EPHB1: variants seen among roughly 807,000 people sequenced by gnomAD.
EPHB1 encodes EPH receptor B1, also known as ephrin type-B receptor 1.
Under a neutral mutation model 94.4 loss-of-function variants are expected in EPHB1, and 30 were observed. The observed-to-expected ratio is 0.32, with a 90% CI of 0.24 to 0.43. The LOEUF is 0.43. EPHB1 is among the 20% of genes least tolerant of loss of function. The probability of loss-of-function intolerance (pLI) is 1.00; values close to 1 mark genes in which losing one functional copy is unlikely to be tolerated. For synonymous variants in EPHB1, 522 were observed against 489.1 expected (o/e 1.07, Z -0.89); for missense variants, 1,055 against 1,308.3 (o/e 0.81, Z 2.99).
chr3:135,059,399 A>G lies in EPHB1; in HGVS notation c.806-47049A>G, dbSNP rs925681250. 2.6e-5 allele frequency among the ~76,000 whole-genome samples: 4 copies of G among 152,206 alleles called. No individual in the cohort carries two copies. In the South Asian group the frequency reaches 8.3e-4, roughly 32 times the overall value. On this transcript the variant is annotated intron_variant, in intron 3 of 15. Coordinates refer to ENST00000398015, the MANE Select transcript of EPHB1 (RefSeq NM_004441.5). ...TTGGTCCCTGGCGGCTCACCCCATT[A>G]CAGGAAGGTCTTCCAATTTGCCATT...
At chr3:134,798,839 G>C (rs2035881505) in intron 1 of EPHB1, among the ~76,000 whole-genome samples, 1 of 152,168 alleles carries the variant, frequency 6.6e-6, no homozygotes, top group South Asian at 2.1e-4. Context: ...CTCCTGGGAG[G>C]CAGCAACCTG....
At chr3:135,233,606 C>T (rs1943583952) in intron 12 of EPHB1, among the ~76,000 whole-genome samples, 2 of 152,224 alleles carry the variant, frequency 1.3e-5, no homozygotes. Context: ...CTCACAGCTC[C>T]ACCAGGCAAT....
chr3:135,011,216 G>A (rs1935610715), intron 3 of EPHB1, among the ~76,000 whole-genome samples: 1 of 152,236 alleles, frequency 6.6e-6, no homozygotes, highest in South Asian at 2.1e-4. Context: ...AACGTGGTCA[G>A]CTGAACATGG....
At chr3:135,074,516 T>C (rs1024321435) in intron 3 of EPHB1, among the ~76,000 whole-genome samples, 18 of 152,254 alleles carry the variant, frequency 1.2e-4, no homozygotes, top group African/African-American at 4.1e-4. Context: ...ATGAACAACA[T>C]AAGCCTTGCT....
intron 12 of EPHB1, among the ~76,000 whole-genome samples, chr3:135,207,946 C>G (rs961770380): frequency 6.6e-6 from 1 of 152,236 alleles, no homozygotes; most frequent in African/African-American, 2.4e-5. Context: ...ATGACATAAA[C>G]TAACTGCAGT....
intron 3 of EPHB1, among the ~76,000 whole-genome samples, chr3:134,979,368 T>A (rs564643476): frequency 6.6e-6 from 1 of 152,200 alleles, no homozygotes; most frequent in Non-Finnish European, 1.5e-5. Flanking sequence ...TCCAAAGGAA[T>A]CCATTGTCTT....
chr3:134,982,719 G>A (rs1934454208), intron 3 of EPHB1, among the ~76,000 whole-genome samples: 1 of 152,158 alleles, frequency 6.6e-6, no homozygotes. Flanking sequence ...GAAGAAACTG[G>A]AGGAAGGAAG....
intron 3 of EPHB1, among the ~76,000 whole-genome samples, chr3:135,061,585 T>G (rs1158482365): frequency 6.6e-6 from 1 of 151,928 alleles, no homozygotes; most frequent in African/African-American, 2.4e-5. Context: ...ATCATATATA[T>G]TTAGCACAGT....
chr3:134,880,146 A>G (rs754742938), intron 1 of EPHB1, among the ~76,000 whole-genome samples: 1 of 152,194 alleles, frequency 6.6e-6, no homozygotes, highest in Admixed American at 6.5e-5. Flanking sequence ...AACTGGCCCA[A>G]GGGCAGCTGG....
chr3:135,149,933 G>A (rs946072074), intron 5 of EPHB1, among the ~76,000 whole-genome samples: 3 of 152,200 alleles, frequency 2.0e-5, no homozygotes, highest in African/African-American at 7.2e-5. Context: ...TTCACTGTCA[G>A]TTGCCTCTGG....
At chr3:135,081,519 G>A (rs1360927510) in intron 3 of EPHB1, among the ~76,000 whole-genome samples, 1 of 152,130 alleles carries the variant, frequency 6.6e-6, no homozygotes, top group Non-Finnish European at 1.5e-5. Context: ...TAGTGCTGAG[G>A]CAAGTAGTAC....
At chr3:135,147,102 C>G (rs937710677) in intron 5 of EPHB1, among the ~76,000 whole-genome samples, 2 of 152,250 alleles carry the variant, frequency 1.3e-5, no homozygotes, top group African/African-American at 2.4e-5. Flanking sequence ...GCACACACAT[C>G]TCTCTGCAGC....
chr3:135,103,705 G>A (rs748612189), intron 3 of EPHB1, among the ~76,000 whole-genome samples: 1 of 152,162 alleles, frequency 6.6e-6, no homozygotes, highest in African/African-American at 2.4e-5. Context: ...ACTCAGGACT[G>A]TCTGACCATT....
intron 15 of EPHB1, among the ~76,000 whole-genome samples, chr3:135,255,690 T>A (rs953737334): frequency 1.3e-5 from 2 of 151,458 alleles, no homozygotes; most frequent in African/African-American, 2.4e-5. Context: ...AAAGTGTTTA[T>A]TCTGTTGACT....
chr3:134,962,732 A>G (rs1933568274), intron 3 of EPHB1, among the ~76,000 whole-genome samples: 1 of 151,802 alleles, frequency 6.6e-6, no homozygotes, highest in Non-Finnish European at 1.5e-5. Flanking sequence ...CTCTAGCCTC[A>G]GCTCACCATG....
intron 12 of EPHB1, among the ~76,000 whole-genome samples, chr3:135,216,193 A>G (rs1402053974): frequency 6.6e-6 from 1 of 152,154 alleles, no homozygotes; most frequent in African/African-American, 2.4e-5. Context: ...GCGAGGGCAC[A>G]GGGCCAGTAG....
intron 15 of EPHB1, 102 bp downstream of exon 15, chr3:135,249,593 A>C: frequency 7.4e-7 from 1 of 1,350,026 alleles, no homozygotes; most frequent in South Asian, 1.4e-5. Flanking sequence ...TCATCCCTGG[A>C]GCTCCGTCTC....
intron 1 of EPHB1, among the ~76,000 whole-genome samples, chr3:134,840,936 A>G (rs1168278250): frequency 6.6e-6 from 1 of 152,184 alleles, no homozygotes; most frequent in Non-Finnish European, 1.5e-5. Flanking sequence ...CGCTGTTAAC[A>G]GCAGTCTCCA....
chr3:135,056,441 C>T (rs755366258), intron 3 of EPHB1, among the ~76,000 whole-genome samples: 10 of 152,218 alleles, frequency 6.6e-5, no homozygotes, highest in Non-Finnish European at 1.3e-4. Context: ...TCTCTAGAGC[C>T]TCTAAAAGGG....
Sources: gnomAD v4.1 joint callset for allele counts (sites outside exome capture counted in the v4.1 genomes callset) on GRCh38, gnomAD v4.1.1 for gene constraint, MANE v1.5 for transcripts, NCBI Gene and HGNC (gene_info 2026-07-23, HGNC 2026-07-21) for gene names.